Variants in DUOXA2 observed in about 807,000 individuals in gnomAD.
DUOXA2 encodes dual oxidase maturation factor 2.
A neutral mutation model predicts 27.6 loss-of-function variants in DUOXA2; 22 were observed. The observed-to-expected ratio is 0.80, with a 90% CI of 0.57 to 1.14. The LOEUF is 1.14. Among genes scored for constraint, DUOXA2 ranks in the 50% most tolerant of loss-of-function variants. The probability of loss-of-function intolerance (pLI) is 0.00; values close to 1 mark genes in which losing one functional copy is unlikely to be tolerated. For missense variants in DUOXA2, 481 were observed against 419.9 expected (o/e 1.15, Z -1.27); for synonymous variants, 188 against 184.4 (o/e 1.02, Z -0.16).
rs753108753 is a variant in DUOXA2, at chr15:45,114,708, G to A, written c.103G>A (p.Ala35Thr). ...CGTTATTCTAGTGTTTTTGGCTCTA[G>A]CAGCAAGCTTCCTGCTCATCTTGCC... ...LIVILVFLAL[A>T]ASFLLILPGI... The change falls in exon 1 of 6, where the codon GCA becomes ACA. Residue 35 changes from alanine (A) to threonine (T), a missense_variant. By Grantham distance (58) the Ala-to-Thr change is moderately conservative. Transcript: ENST00000323030. The A allele has an allele frequency of 3.7e-6, 6 of 1,614,242 alleles. No individual in the cohort carries two copies. The East Asian group carries it at 8.9e-5, about 24-fold the overall frequency.
Position 45,117,900 on chromosome 15 carries a change from T to C in DUOXA2, c.954T>C (p.Thr318=). Reference sequence around the variant, plus strand: ...TCCCAGACTTAAAATGTATCACCACTAACCTGTGAGGGGGACCCAATCTGG... The same window carrying C: ...TCCCAGACTTAAAATGTATCACCACCAACCTGTGAGGGGGACCCAATCTGG... ...AALPDLKCIT[T]NL is the part of the protein sequence containing the mutation. The change falls in exon 6 of 6, where the codon ACT becomes ACC. Residue 318 remains threonine, a synonymous_variant. Transcript: ENST00000323030. 6.2e-7 allele frequency: 1 copy of C among 1,613,334 alleles called. No homozygotes were observed. The highest frequency in any genetic ancestry group is 8.5e-7 in the Non-Finnish European group (1 of 1,180,024).
At chr15:45,115,913 A>G (rs1375311320) in intron 2 of DUOXA2, 57 bp downstream of exon 2, 1 of 1,610,294 alleles carries the variant, frequency 6.2e-7, no homozygotes, top group Admixed American at 1.7e-5. Flanking sequence ...AGGTGGGCAG[A>G]GGGCACCTGG....
Position 45,114,658 on chromosome 15 carries a change from C to A in DUOXA2, c.53C>A (p.Ala18Glu). The change falls in exon 1 of 6, where the codon GCA (alanine) becomes GAA (glutamate). Residue 18 changes from alanine (A) to glutamate (E), a missense_variant. By Grantham distance (107) the Ala-to-Glu change is moderately radical. Transcript: ENST00000323030. ...TTTTACCCCCAGCCCCGGCATGCCGCAGGCTTCAGCGTTCCACTGCTCATC... is the reference window on the plus strand; with the variant it reads ...TTTTACCCCCAGCCCCGGCATGCCGAAGGCTTCAGCGTTCCACTGCTCATC... Reference protein sequence around the residue: ...LPFYPQPRHAAGFSVPLLIVI... With the variant: ...LPFYPQPRHAEGFSVPLLIVI... 1 of 1,614,238 alleles carries A rather than the reference C, an allele frequency of 6.2e-7. No individual in the cohort carries two copies. The highest frequency in any genetic ancestry group is 8.5e-7 in the Non-Finnish European group (1 of 1,180,032).
Position 45,117,899 on chromosome 15 carries a change from C to A in DUOXA2, c.953C>A (p.Thr318Asn). 1 of 1,613,418 alleles carries A rather than the reference C, an allele frequency of 6.2e-7. No individual in the cohort carries two copies. The highest frequency in any genetic ancestry group is 8.5e-7 in the Non-Finnish European group (1 of 1,180,046). ...AALPDLKCIT[T>N]NL The stretch of plus-strand genomic sequence containing the variant: ...CTCCCAGACTTAAAATGTATCACCA[C>A]TAACCTGTGAGGGGGACCCAATCTG... The change falls in exon 6 of 6, where the codon ACT (threonine) becomes AAT (asparagine). Residue 318 changes from threonine (T) to asparagine (N), a missense_variant. Transcript: ENST00000323030.
chr15:45,117,088 C>T lies in DUOXA2; in HGVS notation c.555-3C>T. The stretch of plus-strand genomic sequence containing the variant: ...CACAGCGGGTCCCCCCACTCCCCGG[C>T]AGGGTGGCGTTCTGCTTCTGGCTCC... On this transcript the variant is annotated splice_region_variant and splice_polypyrimidine_tract_variant and intron_variant, in intron 4 of 5. Coordinates refer to ENST00000323030, the MANE Select transcript of DUOXA2 (RefSeq NM_207581.4). 1 of 1,598,422 alleles carries T rather than the reference C, an allele frequency of 6.3e-7. No homozygotes were observed. Among genetic ancestry groups the T allele is most frequent in the Non-Finnish European group, 8.5e-7 (1 of 1,179,728 alleles).
Position 45,116,643 on chromosome 15 carries a change from C to T in DUOXA2, c.468C>T (p.Tyr156=), listed in dbSNP as rs1894647768. 1 of 1,613,870 alleles carries T rather than the reference C, an allele frequency of 6.2e-7. No individual in the cohort carries two copies. Among genetic ancestry groups the T allele is most frequent in the African/African-American group, 1.3e-5 (1 of 75,070 alleles). The change falls in exon 4 of 6, where the codon TAC becomes TAT. Residue 156 remains tyrosine (Y), a synonymous_variant. Coordinates refer to ENST00000323030, the MANE Select transcript of DUOXA2 (RefSeq NM_207581.4). ...LEKGLPDPVL[Y]LAEKFTPSSP... is the part of the protein sequence containing the mutation. Reference sequence around the variant, plus strand: ...AGGGGCTGCCGGACCCAGTGCTCTACCTGGCGGAGAAGTTCACACCGAGTA... The same window carrying T: ...AGGGGCTGCCGGACCCAGTGCTCTATCTGGCGGAGAAGTTCACACCGAGTA...
At chr15:45,116,091 C>CAA in intron 2 of DUOXA2, 33 bp from the exon 3 acceptor site, 1 of 1,609,778 alleles carries the variant, frequency 6.2e-7, no homozygotes, top group Non-Finnish European at 8.5e-7. Context: ...TTCCCACCCT[C>CAA]ATCCCACCCC....
intron 2 of DUOXA2, 97 bp from the exon 3 acceptor site, chr15:45,116,027 A>G: frequency 1.9e-6 from 3 of 1,600,872 alleles, no homozygotes; most frequent in Non-Finnish European, 2.6e-6. Flanking sequence ...TTGGACCTCT[A>G]AGTCCCCATC....
rs1894803143 is a variant in DUOXA2, at chr15:45,118,083, T to C, written c.*174T>C. On this transcript the variant is annotated 3_prime_UTR_variant, in exon 6 of 6. Transcript: ENST00000323030. The stretch of plus-strand genomic sequence containing the variant: ...TCCTGGGGCGATCTGTAAATAAACC[T>C]TTTTTTCTTTTGTTTTTTAAAAACT... 6.6e-7 allele frequency: 1 copy of C among 1,520,876 alleles called. No homozygotes were observed. The highest frequency in any genetic ancestry group is 8.8e-7 in the Non-Finnish European group (1 of 1,136,666). The allele number at this position is 1,520,876 out of a possible 1,614,324, so 94.2% of individuals were successfully genotyped here.
Position 45,114,735 on chromosome 15 carries a change from G to T in DUOXA2, c.130G>T (p.Gly44Trp), listed in dbSNP as rs769689085. ...AGCAAGCTTCCTGCTCATCTTGCCG[G>T]GGATCCGTGGCCACTCGGTAAGGGT... Reference protein sequence around the residue: ...LAASFLLILPGIRGHSRWFWL... With the variant: ...LAASFLLILPWIRGHSRWFWL... Residue 44 changes from glycine to tryptophan, a missense_variant, in exon 1 of 6, where the codon GGG becomes TGG. By Grantham distance (184) the Gly-to-Trp change is radical (BLOSUM62 -2). Transcript: ENST00000323030. The T allele has an allele frequency of 3.7e-6, 6 of 1,614,106 alleles. No homozygotes were observed. The African/African-American group carries it at 8.0e-5, about 22-fold the overall frequency.
chr15:45,117,278 G>A lies in DUOXA2; in HGVS notation c.742G>A (p.Ala248Thr). ...GSSALTTQYG[A>T]AFWVTLATGV... ...CTCCGCGCTCACCACTCAGTACGGC[G>A]CCGCCTTCTGGGTCACGCTGGCAAC... Residue 248 changes from alanine to threonine, a missense_variant, in exon 5 of 6, where the codon GCC becomes ACC. Physicochemically the swap from Ala to Thr is moderately conservative, Grantham distance 58. Coordinates refer to ENST00000323030, the MANE Select transcript of DUOXA2 (RefSeq NM_207581.4). The A allele has an allele frequency of 6.2e-7, 1 of 1,602,010 alleles. No individual in the cohort carries two copies. The highest frequency in any genetic ancestry group is 8.5e-7 in the Non-Finnish European group (1 of 1,173,216).
intron 1 of DUOXA2, chr15:45,115,549 T>A: frequency 1.5e-6 from 1 of 663,124 alleles, no homozygotes; most frequent in Admixed American, 2.1e-5. Flanking sequence ...GGTGGAAGAG[T>A]GCCAGGAAGT....
chr15:45,116,649 G>A lies in DUOXA2; in HGVS notation c.474G>A (p.Ala158=), dbSNP rs370659104. 2 of 1,613,860 alleles carry A rather than the reference G, an allele frequency of 1.2e-6. No homozygotes were observed. The highest frequency in any genetic ancestry group is 1.3e-5 in the African/African-American group (1 of 75,064). ...KGLPDPVLYL[A]EKFTPSSPCG... The stretch of plus-strand genomic sequence containing the variant: ...TGCCGGACCCAGTGCTCTACCTGGC[G>A]GAGAAGTTCACACCGAGTAGCCCTT... Residue 158 remains alanine, a synonymous_variant, in exon 4 of 6, where the codon GCG becomes GCA. Transcript: ENST00000323030.
Position 45,115,865 on chromosome 15 carries a change from G to C in DUOXA2, c.205+9G>C, listed in dbSNP as rs369567275. The C allele has an allele frequency of 1.4e-5, 23 of 1,614,114 alleles. No homozygotes were observed. The African/African-American group carries it at 2.8e-4, about 20-fold the overall frequency. ...AGGCGCAGAAATTGTGGGTGAGTGT[G>C]TGGTGCAGCCCATGGGGAGAGGACG... is the stretch of plus-strand genomic sequence containing the variant. On this transcript the variant is annotated intron_variant, in intron 2 of 5. Transcript: ENST00000323030.
chr15:45,114,411 C>A lies in DUOXA2; in HGVS notation c.-195C>A, dbSNP rs1894547688. The A allele has an allele frequency of 6.0e-6, 4 of 669,348 alleles. No individual in the cohort carries two copies. The highest frequency in any genetic ancestry group is 1.8e-5 in the South Asian group (1 of 54,316). 41.5% of individuals were successfully genotyped at this position (669,348 alleles called of 1,614,324 possible). ...GCCGGCTAGAAAAACTCTGTCGGTA[C>A]CAACCCCAGAGCGTTGAGAGCAGCC... On this transcript the variant is annotated 5_prime_UTR_variant, in exon 1 of 6. Transcript: ENST00000323030.
At chr15:45,117,583 C>T in intron 5 of DUOXA2, 133 bp from the exon 6 acceptor site, 1 of 1,607,918 alleles carries the variant, frequency 6.2e-7, no homozygotes, top group Non-Finnish European at 8.5e-7. Flanking sequence ...AAGGCCCGGG[C>T]ATCACGCCTG....
chr15:45,116,527 C>T lies in DUOXA2; in HGVS notation c.352C>T (p.His118Tyr), dbSNP rs776397016. 2 of 1,613,912 alleles carry T rather than the reference C, an allele frequency of 1.2e-6. No individual in the cohort carries two copies. Among genetic ancestry groups the T allele is most frequent in the Admixed American group, 1.7e-5 (1 of 60,032 alleles). The change falls in exon 4 of 6, where the codon CAT (histidine) becomes TAT (tyrosine). Residue 118 changes from histidine to tyrosine, a missense_variant. Coordinates refer to ENST00000323030, the MANE Select transcript of DUOXA2 (RefSeq NM_207581.4). ...GCCTCACCCCACAGGGACCCCAGTG[C>T]ATCAGCTGAACGAGACCATTGACTA... ...INITLTGTPV[H>Y]QLNETIDYNE... is the part of the protein sequence containing the mutation.
In DUOXA2 at chr15:45,117,755, T is replaced by C; in HGVS notation, c.809T>C (p.Leu270Pro). The C allele has an allele frequency of 6.2e-7, 1 of 1,613,632 alleles. No homozygotes were observed. Among genetic ancestry groups the C allele is most frequent in the Non-Finnish European group, 8.5e-7 (1 of 1,179,720 alleles). ...CLFLGGAVVS[L>P]QYVRPSALRT... The stretch of plus-strand genomic sequence containing the variant: ...TTCCTCGGAGGGGCCGTGGTGAGTC[T>C]CCAGTATGTTCGGCCCAGCGCTCTT... The change falls in exon 6 of 6, where the codon CTC (leucine) becomes CCC (proline). Residue 270 changes from leucine (L) to proline (P), a missense_variant. Leu to Pro is a moderately conservative substitution (Grantham distance 98). Transcript: ENST00000323030.
intron 4 of DUOXA2, 53 bp downstream of exon 4, chr15:45,116,782 C>A: frequency 5.7e-6 from 9 of 1,588,944 alleles, no homozygotes; most frequent in Non-Finnish European, 7.7e-6. Context: ...AGGAGCTGGG[C>A]CGTATGAGCG....
Sources: allele counts gnomAD v4.1 joint callset, GRCh38; gene constraint gnomAD v4.1.1; transcripts MANE v1.5; gene names NCBI Gene and HGNC (gene_info 2026-07-23, HGNC 2026-07-21).